Variants in SORBS2 observed in about 807,000 individuals in gnomAD.
SORBS2 encodes the protein sorbin and SH3 domain-containing protein 2.
Under a neutral mutation model 97.7 loss-of-function variants are expected in SORBS2, and 46 were observed. The ratio of observed to expected loss-of-function variants is 0.47; its 90% CI spans 0.37 to 0.60. The LOEUF (loss-of-function observed/expected upper bound fraction) is 0.60. Ranked by LOEUF, SORBS2 falls within the 20% of genes least tolerant of loss-of-function variation. SORBS2 has a pLI of 0.00. For synonymous variants in SORBS2, 476 were observed against 473.4 expected (o/e 1.01, Z -0.07); for missense variants, 1,316 against 1,282.3 (o/e 1.03, Z -0.40).
chr4:185,803,462 A>G (rs1473323884), intron 1 of SORBS2, among the ~76,000 whole-genome samples: 1 of 152,206 alleles, frequency 6.6e-6, no homozygotes, highest in Non-Finnish European at 1.5e-5. Context: ...ATAACCGTCA[A>G]TATAAAGCAC....
chr4:185,785,894 G>A (rs1338911197), intron 1 of SORBS2, among the ~76,000 whole-genome samples: 3 of 152,052 alleles, frequency 2.0e-5, no homozygotes, highest in Non-Finnish European at 2.9e-5. Flanking sequence ...TGGGAATATC[G>A]TTCATTACCT....
chr4:185,753,295 T>C (rs1218679715), intron 2 of SORBS2, among the ~76,000 whole-genome samples: 2 of 152,220 alleles, frequency 1.3e-5, no homozygotes, highest in African/African-American at 4.8e-5. Context: ...TTAATAATGA[T>C]GAATTGCCTG....
At chr4:185,611,827 G>C (rs764912020) in exon 12 of SORBS2, 3 of 1,614,054 alleles carry the variant, frequency 1.9e-6, no homozygotes, top group Admixed American at 1.7e-5. Flanking sequence ...TAGCTGTGGG[G>C]TATTGGAGGG....
At chr4:185,839,461 G>A (rs190452920) in intron 1 of SORBS2, among the ~76,000 whole-genome samples, 20 of 152,226 alleles carry the variant, frequency 1.3e-4, no homozygotes, top group African/African-American at 4.8e-4. Context: ...CCAGTAGGAG[G>A]GCTGCAAGGG....
chr4:185,659,570 T>C (rs7672798), upstream of SORBS2, among the ~76,000 whole-genome samples: 54,673 of 151,332 alleles, frequency 0.36, 11,320 homozygotes, highest in Admixed American at 0.5. Context: ...GTGCCCGCCA[T>C]CACGCCCAGC....
intron 1 of SORBS2, among the ~76,000 whole-genome samples, chr4:185,840,291 C>A (rs986478423): frequency 3.3e-5 from 5 of 152,166 alleles, no homozygotes; most frequent in African/African-American, 1.2e-4. Context: ...AAGAGAATGC[C>A]AAGGTATGGA....
intron 1 of SORBS2, among the ~76,000 whole-genome samples, chr4:185,806,614 C>T (rs1464513350): frequency 2.0e-5 from 3 of 151,304 alleles, no homozygotes; most frequent in Non-Finnish European, 4.4e-5. Context: ...CCCGCCACTA[C>T]GCCCGGCTAA....
intron 1 of SORBS2, among the ~76,000 whole-genome samples, chr4:185,946,193 G>A (rs2099274460): frequency 6.6e-6 from 1 of 151,452 alleles, no homozygotes; most frequent in African/African-American, 2.4e-5. Flanking sequence ...GATGTTGGGG[G>A]GGTGGGTGGG....
intron 1 of SORBS2, among the ~76,000 whole-genome samples, chr4:185,828,626 G>T (rs538308713): frequency 6.6e-6 from 1 of 152,038 alleles, no homozygotes; most frequent in South Asian, 2.1e-4. Flanking sequence ...CTCAGGGAAG[G>T]CAGGGAACCA....
At chr4:185,821,045 T>G (rs2099196508) in intron 1 of SORBS2, among the ~76,000 whole-genome samples, 1 of 152,226 alleles carries the variant, frequency 6.6e-6, no homozygotes, top group Non-Finnish European at 1.5e-5. Flanking sequence ...GTCAGATTAC[T>G]AAAGCACTGC....
chr4:185,625,464 A>G (rs924603884), intron 6 of SORBS2, among the ~76,000 whole-genome samples: 2 of 152,228 alleles, frequency 1.3e-5, no homozygotes, highest in Non-Finnish European at 2.9e-5. Flanking sequence ...ATACCTTACA[A>G]TGTTCTCTAA....
intron 1 of SORBS2, among the ~76,000 whole-genome samples, chr4:185,899,538 C>G (rs796209965): frequency 3.3e-5 from 5 of 152,168 alleles, no homozygotes; most frequent in African/African-American, 1.2e-4. Context: ...CGATCCTCCC[C>G]CCTCAGCCTC....
At chr4:185,943,308 A>G (rs763949143) in intron 1 of SORBS2, among the ~76,000 whole-genome samples, 2 of 152,230 alleles carry the variant, frequency 1.3e-5, no homozygotes, top group Non-Finnish European at 2.9e-5. Flanking sequence ...TAAAAGGGAA[A>G]ACTTTTCTTT....
In SORBS2 at chr4:185,769,194, A is replaced by C. The variant is rs148775079; in HGVS notation, c.-198+6033T>G. 1.2e-3 allele frequency among the ~76,000 whole-genome samples: 176 copies of C among 152,352 alleles called. 1 individual carries two copies. The highest frequency in any genetic ancestry group is 6.8e-3 in the Middle Eastern group (2 of 294). ...CAGATTTTGGAATATTTGCATATCCATCCTGCGTCATCTTGGGGACAGGAC... is the reference window on the plus strand; with the variant it reads ...CAGATTTTGGAATATTTGCATATCCCTCCTGCGTCATCTTGGGGACAGGAC... On this transcript the variant is annotated intron_variant, in intron 2 of 20. Coordinates refer to the SORBS2 transcript ENST00000284776.
At chr4:185,902,146 C>A (rs776409565) in intron 1 of SORBS2, among the ~76,000 whole-genome samples, 17 of 152,158 alleles carry the variant, frequency 1.1e-4, no homozygotes, top group Non-Finnish European at 2.1e-4. Context: ...ATACTTCTAT[C>A]CATTCTTCAA....
chr4:185,834,057 A>G (rs1373084120), intron 1 of SORBS2, among the ~76,000 whole-genome samples: 1 of 152,210 alleles, frequency 6.6e-6, no homozygotes, highest in Non-Finnish European at 1.5e-5. Flanking sequence ...TAATGTTTAA[A>G]CAGCCTTCAA....
chr4:185,659,713 G>A (rs1378558503), upstream of SORBS2, among the ~76,000 whole-genome samples: 2 of 152,234 alleles, frequency 1.3e-5, no homozygotes, highest in Admixed American at 6.5e-5. Context: ...GAGCCACCGC[G>A]CCCGGCTAAG....
chr4:185,768,713 A>AC (rs1162013323), intron 2 of SORBS2, among the ~76,000 whole-genome samples: 1 of 59,446 alleles, frequency 1.7e-5, no homozygotes, highest in Non-Finnish European at 3.3e-5. Context: ...AAAAAAAAAC[A>AC]AAAAAACAAA....
chr4:185,681,709 G>A (rs1022017856), intron 2 of SORBS2, among the ~76,000 whole-genome samples: 6 of 151,980 alleles, frequency 3.9e-5, no homozygotes, highest in South Asian at 2.1e-4. Context: ...TCCTTGTGTC[G>A]AGGCACAAAC....
Sources: gnomAD v4.1 joint callset for allele counts (sites outside exome capture counted in the v4.1 genomes callset) on GRCh38, gnomAD v4.1.1 for gene constraint, MANE v1.5 for transcripts, NCBI Gene and HGNC (gene_info 2026-07-23, HGNC 2026-07-21) for gene names.